KPNA6: variants seen among roughly 807,000 people sequenced by gnomAD.
The protein encoded by KPNA6 is karyopherin subunit alpha 6, also known as importin subunit alpha-7.
A neutral mutation model predicts 72.0 loss-of-function variants in KPNA6; 9 were observed. The observed-to-expected ratio is 0.13, with a 90% CI of 0.08 to 0.22. The LOEUF (loss-of-function observed/expected upper bound fraction) is 0.22, where lower values mean the gene tolerates loss of function less well. Ranked by LOEUF, KPNA6 falls within the 10% of genes least tolerant of loss-of-function variation. KPNA6 has a pLI of 1.00. For missense variants in KPNA6, 374 were observed against 655.7 expected, an observed-to-expected ratio of 0.57 and a Z score of 4.69; for synonymous variants, 219 against 242.1, an observed-to-expected ratio of 0.90 and a Z score of 0.89.
chr1:32,128,862 C>G (rs1434139901), intron 1 of KPNA6, among the ~76,000 whole-genome samples: 1 of 152,154 alleles, frequency 6.6e-6, no homozygotes, highest in African/African-American at 2.4e-5. Flanking sequence ...ACCAGCATAG[C>G]ATTTTACTGT....
chr1:32,141,819 T>C (rs1166075287), intron 1 of KPNA6, among the ~76,000 whole-genome samples: 2 of 152,178 alleles, frequency 1.3e-5, no homozygotes, highest in Non-Finnish European at 2.9e-5. Context: ...GAATTTGATA[T>C]CAGACACTGG....
rs1642424253 is a variant in KPNA6, at chr1:32,170,931, C to T, written c.*37C>T. The T allele has an allele frequency of 1.9e-6, 3 of 1,589,344 alleles. No individual in the cohort carries two copies. The highest frequency in any genetic ancestry group is 3.3e-5 in the Admixed American group (2 of 59,906). ...AGGGAGGGGAGGGGATGGGAAGCAC[C>T]ACCAGCCAGCGGAAGAGCAGCCCTC... On this transcript the variant is annotated 3_prime_UTR_variant, in exon 14 of 14. Transcript: ENST00000373625.
In KPNA6 at chr1:32,170,075, C is replaced by T. The variant is rs1322787835; in HGVS notation, c.1423+15C>T. 2 of 1,609,798 alleles carry T rather than the reference C, an allele frequency of 1.2e-6. No individual in the cohort carries two copies. The highest frequency in any genetic ancestry group is 1.7e-6 in the Non-Finnish European group (2 of 1,176,636). On this transcript the variant is annotated intron_variant, in intron 13 of 13. Coordinates refer to ENST00000373625, the MANE Select transcript of KPNA6 (RefSeq NM_012316.5). ...GGAAGCCTATGGTATGTGCCCTCTCCTCAATCTAGGTCAGAACCTGAGACT... is the reference window on the plus strand; with the variant it reads ...GGAAGCCTATGGTATGTGCCCTCTCTTCAATCTAGGTCAGAACCTGAGACT...
In KPNA6 at chr1:32,163,131, G is replaced by A. The variant is rs1258295186; in HGVS notation, c.912-104G>A. The A allele has an allele frequency of 3.6e-5, 25 of 703,738 alleles. No homozygotes were observed. The East Asian group carries it at 5.1e-4, about 14-fold the overall frequency. 43.6% of individuals were successfully genotyped at this position (703,738 alleles called of 1,614,324 possible). Reference sequence around the variant, plus strand: ...AAAAAAAAGAAAAAAGAAAAAAAAAGGGTACAGGTTCCTTAAGCTTCTCCA... The same window carrying A: ...AAAAAAAAGAAAAAAGAAAAAAAAAAGGTACAGGTTCCTTAAGCTTCTCCA... On this transcript the variant is annotated intron_variant, in intron 9 of 13. Transcript: ENST00000373625.
At chr1:32,164,816 A>G (rs570475180) in intron 10 of KPNA6, among the ~76,000 whole-genome samples, 32 of 151,766 alleles carry the variant, frequency 2.1e-4, no homozygotes, top group Non-Finnish European at 4.0e-4. Flanking sequence ...CTCTTATCAG[A>G]CACATGTTTT....
At chr1:32,115,359 C>T (rs112040509) in intron 1 of KPNA6, among the ~76,000 whole-genome samples, 14,145 of 151,888 alleles carry the variant, frequency 0.093, 882 homozygotes, top group South Asian at 0.25. Context: ...AGGATGGTCT[C>T]GATCTCCTGA....
chr1:32,122,134 C>T (rs1641444095), intron 1 of KPNA6, among the ~76,000 whole-genome samples: 5 of 151,802 alleles, frequency 3.3e-5, no homozygotes, highest in Non-Finnish European at 7.4e-5. Context: ...ATTAGCTGGG[C>T]GTGGTGGCAG....
Position 32,162,347 on chromosome 1 carries a change from T to C in KPNA6, c.748-14T>C. On this transcript the variant is annotated splice_polypyrimidine_tract_variant and intron_variant, in intron 8 of 13. Coordinates refer to ENST00000373625, the MANE Select transcript of KPNA6 (RefSeq NM_012316.5). The stretch of plus-strand genomic sequence containing the variant: ...TTGTTCCCCTGTGAGTCTTTCTCAC[T>C]CTGCTTCCCACAGGTCTCTCCTTGT... 1 of 1,565,870 alleles carries C rather than the reference T, an allele frequency of 6.4e-7. No homozygotes were observed. Among genetic ancestry groups the C allele is most frequent in the South Asian group, 1.2e-5 (1 of 81,988 alleles).
chr1:32,145,111 C>T (rs1451262714), intron 1 of KPNA6, among the ~76,000 whole-genome samples: 1 of 151,936 alleles, frequency 6.6e-6, no homozygotes, highest in Non-Finnish European at 1.5e-5. Context: ...CGCCACCACA[C>T]CCAGCTAATT....
chr1:32,154,837 G>A (rs1288821296), intron 2 of KPNA6, 116 bp downstream of exon 2: 2 of 1,089,090 alleles, frequency 1.8e-6, no homozygotes, highest in African/African-American at 1.6e-5. Flanking sequence ...GGTGGGCATG[G>A]TGGCTCATGT....
intron 1 of KPNA6, among the ~76,000 whole-genome samples, chr1:32,147,010 C>T (rs1046673859): frequency 6.6e-6 from 1 of 151,968 alleles, no homozygotes; most frequent in African/African-American, 2.4e-5. Flanking sequence ...TGCATACCAC[C>T]ACGTCCGGCT....
At chr1:32,134,931 A>G (rs367781864) in intron 1 of KPNA6, among the ~76,000 whole-genome samples, 9 of 143,904 alleles carry the variant, frequency 6.3e-5, no homozygotes, top group African/African-American at 2.3e-4. Flanking sequence ...TTCGAGATGG[A>G]GTCTTGCTCT....
intron 1 of KPNA6, among the ~76,000 whole-genome samples, chr1:32,121,692 G>T (rs778219978): frequency 3.3e-5 from 5 of 152,088 alleles, no homozygotes; most frequent in Admixed American, 6.6e-5. Context: ...AGAGAAAGAG[G>T]CCAGGTGTGG....
intron 1 of KPNA6, among the ~76,000 whole-genome samples, chr1:32,130,136 A>C (rs753380807): frequency 6.6e-6 from 1 of 151,806 alleles, no homozygotes; most frequent in Non-Finnish European, 1.5e-5. Flanking sequence ...GCCTCCCTCT[A>C]CAGATATTAG....
intron 1 of KPNA6, among the ~76,000 whole-genome samples, chr1:32,109,229 C>G (rs746482641): frequency 1.3e-5 from 2 of 152,090 alleles, no homozygotes; most frequent in Non-Finnish European, 2.9e-5. Flanking sequence ...AGTGCAGTGA[C>G]GCGATCTCGG....
chr1:32,130,476 A>G (rs947743999), intron 1 of KPNA6, among the ~76,000 whole-genome samples: 1 of 152,116 alleles, frequency 6.6e-6, no homozygotes, highest in Non-Finnish European at 1.5e-5. Flanking sequence ...ATTTAATCAC[A>G]AAAGTCATTA....
At chr1:32,110,265 A>G (rs1641223108) in intron 1 of KPNA6, among the ~76,000 whole-genome samples, 1 of 151,574 alleles carries the variant, frequency 6.6e-6, no homozygotes, top group Non-Finnish European at 1.5e-5. Context: ...GGGTTTCACC[A>G]TGTTGGCCAA....
chr1:32,158,239 T>A, intron 4 of KPNA6, 28 bp from the exon 5 acceptor site: 1 of 1,506,398 alleles, frequency 6.6e-7, no homozygotes, highest in Non-Finnish European at 9.2e-7. Context: ...TTCTCCTGTG[T>A]TTTTATTTTC....
chr1:32,153,146 G>T (rs1001230459), intron 1 of KPNA6, among the ~76,000 whole-genome samples: 1 of 151,928 alleles, frequency 6.6e-6, no homozygotes, highest in African/African-American at 2.4e-5. Flanking sequence ...CTAAAACTTG[G>T]ATCTTGCAAA....
Sources: allele counts gnomAD v4.1 joint callset (sites outside exome capture counted in the v4.1 genomes callset), GRCh38; gene constraint gnomAD v4.1.1; transcripts MANE v1.5; gene names NCBI Gene and HGNC (gene_info 2026-07-23, HGNC 2026-07-21).